SETBP1: variants seen among roughly 807,000 people sequenced by gnomAD.
SETBP1 encodes the protein SET binding protein 1.
SETBP1 carries 9 observed loss-of-function variants against 101.0 expected under a neutral mutation model. The observed-to-expected ratio is 0.09, with a 90% CI of 0.05 to 0.16. The LOEUF (loss-of-function observed/expected upper bound fraction) is 0.16. Ranked by LOEUF, SETBP1 falls within the 10% of genes least tolerant of loss-of-function variation. SETBP1 has a pLI of 1.00. For missense variants in SETBP1, 1,858 were observed against 2,033.8 expected, an observed-to-expected ratio of 0.91 and a Z score of 1.66; for synonymous variants, 818 against 788.5, an observed-to-expected ratio of 1.04 and a Z score of -0.63.
chr18:44,867,848 T>C (rs2069163854), intron 2 of SETBP1, among the ~76,000 whole-genome samples: 1 of 152,180 alleles, frequency 6.6e-6, no homozygotes, highest in South Asian at 2.1e-4. Flanking sequence ...AGCTAAAAAT[T>C]CCAGTTGAGC....
chr18:44,906,608 T>C (rs1188467526), intron 3 of SETBP1, among the ~76,000 whole-genome samples: 1 of 152,238 alleles, frequency 6.6e-6, no homozygotes, highest in Non-Finnish European at 1.5e-5. Context: ...ACTAGATTAA[T>C]TTTATGTGTT....
In SETBP1 at chr18:44,931,524, A is replaced by T. The variant is rs530272164; in HGVS notation, c.541-18357A>T. 6.6e-5 allele frequency among the ~76,000 whole-genome samples: 10 copies of T among 152,244 alleles called. No homozygotes were observed. In the East Asian group the frequency reaches 1.2e-3, roughly 18 times the overall value. ...ACTTTTTGTCTCGTTGATCTGTCTAATGTTGACAGTGGGGTGTTAAAGTCT... is the reference window on the plus strand; with the variant it reads ...ACTTTTTGTCTCGTTGATCTGTCTATTGTTGACAGTGGGGTGTTAAAGTCT... On this transcript the variant is annotated intron_variant, in intron 3 of 5. Coordinates refer to ENST00000649279, the MANE Select transcript of SETBP1 (RefSeq NM_015559.3).
At chr18:44,792,729 T>C in intron 2 of SETBP1, among the ~76,000 whole-genome samples, 1 of 152,194 alleles carries the variant, frequency 6.6e-6, no homozygotes, top group African/African-American at 2.4e-5. Context: ...GTTTTAGAAG[T>C]TTGCCTCCCA....
intron 1 of SETBP1, among the ~76,000 whole-genome samples, chr18:44,686,857 C>T (rs773349668): frequency 6.6e-6 from 1 of 152,328 alleles, no homozygotes; most frequent in South Asian, 2.1e-4. Context: ...TATTTTACCA[C>T]ATGTGCATCC....
At chr18:44,686,048 A>C (rs1045298317) in intron 1 of SETBP1, among the ~76,000 whole-genome samples, 5 of 152,230 alleles carry the variant, frequency 3.3e-5, no homozygotes, top group African/African-American at 1.2e-4. Flanking sequence ...GTTCTCCATC[A>C]AGAAACCACA....
At chr18:44,832,714 G>A (rs1188866621) in intron 2 of SETBP1, among the ~76,000 whole-genome samples, 1 of 152,174 alleles carries the variant, frequency 6.6e-6, no homozygotes, top group East Asian at 1.9e-4. Context: ...TCTCATTACA[G>A]GGGCCTGGCT....
At chr18:44,699,918 G>A (rs916322740) in intron 1 of SETBP1, among the ~76,000 whole-genome samples, 2 of 152,134 alleles carry the variant, frequency 1.3e-5, no homozygotes, top group South Asian at 2.1e-4. Context: ...TGCAGGCATC[G>A]TTGGGCATTT....
At chr18:45,033,945 G>C (rs2073346356) in intron 4 of SETBP1, among the ~76,000 whole-genome samples, 1 of 152,152 alleles carries the variant, frequency 6.6e-6, no homozygotes, top group South Asian at 2.1e-4. Flanking sequence ...ATCCCACAAA[G>C]ATTTTTGTTT....
At chr18:44,938,998 C>T (rs1236772280) in intron 3 of SETBP1, among the ~76,000 whole-genome samples, 2 of 148,424 alleles carry the variant, frequency 1.3e-5, no homozygotes, top group South Asian at 2.1e-4. Context: ...GTCTCTGTGC[C>T]TGTGTGTGTG....
At chr18:44,959,170 T>G (rs1473581301) in intron 4 of SETBP1, among the ~76,000 whole-genome samples, 2 of 152,306 alleles carry the variant, frequency 1.3e-5, no homozygotes, top group East Asian at 3.9e-4. Flanking sequence ...TTATGCAGAT[T>G]CAGGTGTGGG....
intron 4 of SETBP1, among the ~76,000 whole-genome samples, chr18:45,023,096 T>A (rs1210911940): frequency 1.3e-5 from 2 of 152,232 alleles, no homozygotes; most frequent in Non-Finnish European, 2.9e-5. Flanking sequence ...TTTGAAATGC[T>A]GCTTTTTCAT....
At chr18:44,938,974 GTGTGTGTGTCTGTGTCTCTGTGCC>G (rs1231936030) in intron 3 of SETBP1, among the ~76,000 whole-genome samples, 1 of 151,578 alleles carries the variant, frequency 6.6e-6, no homozygotes, top group African/African-American at 2.4e-5. Context: ...GTGTGTGTGT[GTGTGTGTGTCTGTGTCTCTGTGCC>G]TGTGTGTGTG....
At chr18:44,744,769 T>TA (rs111386284) in intron 2 of SETBP1, among the ~76,000 whole-genome samples, 60,990 of 132,348 alleles carry the variant, frequency 0.46, 13,408 homozygotes, top group Middle Eastern at 0.49. Context: ...ACCCTCCTCT[T>TA]AAAAAAAAAA....
At chr18:44,698,927 TAAG>T (rs2069064849) in intron 1 of SETBP1, among the ~76,000 whole-genome samples, 1 of 152,222 alleles carries the variant, frequency 6.6e-6, no homozygotes, top group Non-Finnish European at 1.5e-5. Flanking sequence ...TAGTAAAATG[TAAG>T]AAATGATTGT....
At chr18:44,991,758 AAC>A (rs2072383274) in intron 4 of SETBP1, among the ~76,000 whole-genome samples, 1 of 152,200 alleles carries the variant, frequency 6.6e-6, no homozygotes, top group African/African-American at 2.4e-5. Context: ...GTAAGAATAT[AAC>A]AAATCAAAGA....
At chr18:44,722,804 T>C (rs1038863860) in intron 2 of SETBP1, among the ~76,000 whole-genome samples, 2 of 152,248 alleles carry the variant, frequency 1.3e-5, no homozygotes, top group Non-Finnish European at 2.9e-5. Context: ...CTAGTAGGCT[T>C]CTAGGATTCC....
chr18:44,940,653 G>A (rs1386165129), intron 3 of SETBP1, among the ~76,000 whole-genome samples: 1 of 152,032 alleles, frequency 6.6e-6, no homozygotes, highest in Non-Finnish European at 1.5e-5. Context: ...CTATATGTAC[G>A]CTCTTATTCT....
intron 3 of SETBP1, among the ~76,000 whole-genome samples, chr18:44,935,192 T>C (rs946441933): frequency 4.6e-5 from 7 of 152,170 alleles, no homozygotes; most frequent in Admixed American, 6.5e-5. Flanking sequence ...ATGCTTGCAG[T>C]TCACAGTGTT....
At chr18:44,969,772 A>C (rs2071801399) in intron 4 of SETBP1, among the ~76,000 whole-genome samples, 1 of 152,180 alleles carries the variant, frequency 6.6e-6, no homozygotes, top group South Asian at 2.1e-4. Context: ...GGAAAGTGAA[A>C]TGATTCTGAA....
Sources: gnomAD v4.1 joint callset for allele counts (sites outside exome capture counted in the v4.1 genomes callset) on GRCh38, gnomAD v4.1.1 for gene constraint, MANE v1.5 for transcripts, NCBI Gene and HGNC (gene_info 2026-07-23, HGNC 2026-07-21) for gene names.